Variants in ADAM22 observed in about 807,000 individuals in gnomAD.
ADAM22 encodes the protein disintegrin and metalloproteinase domain-containing protein 22.
In ADAM22, 65 loss-of-function variants were observed where a neutral mutation model predicts 144.6. The observed-to-expected ratio is 0.45, with a 90% CI of 0.37 to 0.55. The LOEUF is 0.55. Among genes scored for constraint, ADAM22 ranks in the 20% least tolerant of loss-of-function variants. The pLI, the probability that ADAM22 is intolerant of heterozygous loss-of-function variation, is 0.00. For missense variants in ADAM22, 974 were observed against 1,184.9 expected, an observed-to-expected ratio of 0.82 and a Z score of 2.61; for synonymous variants, 391 against 412.6, an observed-to-expected ratio of 0.95 and a Z score of 0.63.
At chr7:87,979,480 T>A (rs1256086310) in intron 3 of ADAM22, among the ~76,000 whole-genome samples, 1 of 152,192 alleles carries the variant, frequency 6.6e-6, no homozygotes, top group Admixed American at 6.5e-5. Context: ...TGTTTCATTT[T>A]AAAAATAATA....
intron 29 of ADAM22, among the ~76,000 whole-genome samples, chr7:88,185,589 T>G (rs1423495097): frequency 1.3e-5 from 2 of 152,154 alleles, no homozygotes; most frequent in Admixed American, 6.5e-5. Context: ...AAAGTAAAAC[T>G]TCCAAATTCT....
At chr7:87,977,828 C>T (rs1852260226) in intron 2 of ADAM22, among the ~76,000 whole-genome samples, 1 of 151,808 alleles carries the variant, frequency 6.6e-6, no homozygotes, top group African/African-American at 2.4e-5. Context: ...GATGTGGAAA[C>T]CTTGATGAAA....
At chr7:87,972,143 G>C (rs1850614347) in intron 2 of ADAM22, among the ~76,000 whole-genome samples, 1 of 152,108 alleles carries the variant, frequency 6.6e-6, no homozygotes, top group Non-Finnish European at 1.5e-5. Flanking sequence ...AAGTCAAATT[G>C]TCCCTGTTTG....
At chr7:87,984,106 C>T (rs563258752) in intron 3 of ADAM22, among the ~76,000 whole-genome samples, 1 of 152,234 alleles carries the variant, frequency 6.6e-6, no homozygotes, top group Admixed American at 6.5e-5. Flanking sequence ...ATTACAATTC[C>T]TATTTTTTAT....
At chr7:88,075,580 C>G (rs1425944350) in intron 3 of ADAM22, 46 bp from the exon 4 acceptor site, 1 of 1,554,928 alleles carries the variant, frequency 6.4e-7, no homozygotes, top group Admixed American at 1.7e-5. Context: ...TCGTGTTTTA[C>G]ATTTTTGGGA....
At chr7:88,178,090 G>A (rs1846112787) in intron 26 of ADAM22, among the ~76,000 whole-genome samples, 1 of 152,098 alleles carries the variant, frequency 6.6e-6, no homozygotes, top group African/African-American at 2.4e-5. Context: ...ATTACATTAG[G>A]AGAAGTAATA....
chr7:87,956,081 G>A (rs374615881), intron 2 of ADAM22, among the ~76,000 whole-genome samples: 187 of 152,200 alleles, frequency 1.2e-3, no homozygotes, highest in African/African-American at 3.6e-3. Flanking sequence ...TGCGCTTCCC[G>A]AGTGAGGCAA....
intron 3 of ADAM22, among the ~76,000 whole-genome samples, chr7:87,992,241 G>C (rs1444896708): frequency 1.3e-5 from 2 of 152,184 alleles, no homozygotes; most frequent in East Asian, 3.9e-4. Flanking sequence ...GAAAGAGATG[G>C]AACAAGGATA....
Position 88,130,379 on chromosome 7 carries a change from T to C in ADAM22, c.754-9T>C. 1.2e-6 allele frequency: 2 copies of C among 1,610,774 alleles called. No individual in the cohort carries two copies. Among genetic ancestry groups the C allele is most frequent in the Non-Finnish European group, 1.7e-6 (2 of 1,178,094 alleles). The stretch of plus-strand genomic sequence containing the variant: ...TGCAAGACCTTCACTTGTTTTCTTT[T>C]GCTTTCAGTTTAAAAAACATCGGCT... On this transcript the variant is annotated splice_polypyrimidine_tract_variant and intron_variant, in intron 9 of 31. Transcript: ENST00000413139.
intron 22 of ADAM22, among the ~76,000 whole-genome samples, chr7:88,157,725 G>A (rs765321901): frequency 1.3e-5 from 2 of 152,070 alleles, no homozygotes; most frequent in African/African-American, 4.8e-5. Flanking sequence ...AGAAACTCCA[G>A]GAGACCTTCA....
intron 2 of ADAM22, among the ~76,000 whole-genome samples, chr7:87,974,971 A>G (rs1220881192): frequency 1.3e-5 from 2 of 152,120 alleles, no homozygotes; most frequent in East Asian, 3.9e-4. Context: ...GACTCATGTA[A>G]TTAGATTGAG....
At chr7:87,945,702 CG>C (rs1459673170) in intron 2 of ADAM22, among the ~76,000 whole-genome samples, 1 of 151,714 alleles carries the variant, frequency 6.6e-6, no homozygotes, top group African/African-American at 2.4e-5. Flanking sequence ...TTAGTAGAGA[CG>C]GGGGTTTCAC....
At chr7:87,947,191 C>A (rs947538233) in intron 2 of ADAM22, among the ~76,000 whole-genome samples, 2 of 152,006 alleles carry the variant, frequency 1.3e-5, no homozygotes, top group African/African-American at 4.8e-5. Context: ...CACATGTATC[C>A]CTTGAATCTA....
At chr7:88,125,558 C>T in intron 7 of ADAM22, 31 bp from the exon 8 acceptor site, 2 of 1,520,984 alleles carry the variant, frequency 1.3e-6, no homozygotes, top group South Asian at 2.3e-5. Context: ...GACAAATGCA[C>T]TAAGTTAAAT....
In ADAM22 at chr7:88,026,379, T is replaced by C. The variant is rs184464111; in HGVS notation, c.323+47967T>C. Among the ~76,000 whole-genome samples the C allele has an allele frequency of 2.0e-4, 31 of 152,246 alleles. No individual in the cohort carries two copies. The South Asian group carries it at 3.5e-3, about 17-fold the overall frequency. On this transcript the variant is annotated intron_variant, in intron 3 of 31. Transcript: ENST00000413139. ...AACAACGAGATGTCACAATAACTTA[T>C]TTACCCACTATCATGAAAACAGGAC...
chr7:88,182,943 T>C (rs1462549007), intron 29 of ADAM22, among the ~76,000 whole-genome samples: 1 of 152,208 alleles, frequency 6.6e-6, no homozygotes, highest in African/African-American at 2.4e-5. Context: ...ATTTGGAAAG[T>C]CTGAATAGCA....
chr7:87,978,722 A>C (rs1197853320), intron 3 of ADAM22, among the ~76,000 whole-genome samples: 1 of 152,222 alleles, frequency 6.6e-6, no homozygotes, highest in Non-Finnish European at 1.5e-5. Context: ...TGACAATAAT[A>C]CTTTGGGTAT....
rs764655914 is a variant in ADAM22, at chr7:88,163,051, C to T, written c.1947C>T (p.Gly649=). The T allele has an allele frequency of 1.9e-6, 3 of 1,609,886 alleles. No homozygotes were observed. The highest frequency in any genetic ancestry group is 3.4e-5 in the Admixed American group (2 of 59,488). ...HVKLEEDVDL[G]YVEDGTPCGP... Reference sequence around the variant, plus strand: ...AGCTTGAAGAAGATGTAGATCTTGGCTATGTGGAAGATGGGACACCTTGTG... The same window carrying T: ...AGCTTGAAGAAGATGTAGATCTTGGTTATGTGGAAGATGGGACACCTTGTG... Residue 649 remains glycine, a synonymous_variant, in exon 23 of 32, where the codon GGC becomes GGT. Coordinates refer to ENST00000413139, the MANE Select transcript of ADAM22 (RefSeq NM_001324418.2).
chr7:88,174,857 C>T (rs1428555395), intron 26 of ADAM22, among the ~76,000 whole-genome samples: 2 of 152,082 alleles, frequency 1.3e-5, no homozygotes, highest in African/African-American at 4.8e-5. Context: ...GTGAACTTCT[C>T]ATCTTTTTTC....
Sources: gnomAD v4.1 joint callset for allele counts (sites outside exome capture counted in the v4.1 genomes callset) on GRCh38, gnomAD v4.1.1 for gene constraint, MANE v1.5 for transcripts, NCBI Gene and HGNC (gene_info 2026-07-23, HGNC 2026-07-21) for gene names.